PHKB: variants seen among roughly 807,000 people sequenced by gnomAD.
PHKB encodes the protein phosphorylase kinase regulatory subunit beta.
Under a neutral mutation model 152.1 loss-of-function variants are expected in PHKB, and 122 were observed. That is an observed-to-expected ratio of 0.80 (90% CI 0.69 to 0.93). PHKB has a LOEUF of 0.93. Ranked by LOEUF, PHKB falls within the 40% of genes least tolerant of loss-of-function variation. The pLI, the probability that PHKB is intolerant of heterozygous loss-of-function variation, is 0.00. For missense variants in PHKB, 1,304 were observed against 1,328.4 expected (o/e 0.98, Z 0.29); for synonymous variants, 436 against 464.9 (o/e 0.94, Z 0.80).
intron 14 of PHKB, among the ~76,000 whole-genome samples, chr16:47,625,160 C>T (rs1165036967): frequency 6.6e-6 from 1 of 152,190 alleles, no homozygotes; most frequent in Non-Finnish European, 1.5e-5. Context: ...CAACTGCAGG[C>T]TCCAACTAAT....
chr16:47,565,379 G>T, intron 7 of PHKB: 1 of 1,003,904 alleles, frequency 1.0e-6, no homozygotes. Context: ...TTGAGCTGGA[G>T]CTACTTTTCC....
chr16:47,533,402 C>T (rs1012532439), intron 6 of PHKB, among the ~76,000 whole-genome samples: 2 of 152,176 alleles, frequency 1.3e-5, no homozygotes, highest in African/African-American at 4.8e-5. Context: ...AGGAACCTGC[C>T]CCCTTCTGCC....
chr16:47,481,222 T>C (rs1353264962), intron 1 of PHKB, among the ~76,000 whole-genome samples: 1 of 152,212 alleles, frequency 6.6e-6, no homozygotes, highest in African/African-American at 2.4e-5. Context: ...TAGTCATGCT[T>C]CAGAAATGAT....
chr16:47,591,856 A>C (rs1372945433), intron 10 of PHKB, among the ~76,000 whole-genome samples: 1 of 152,036 alleles, frequency 6.6e-6, no homozygotes, highest in African/African-American at 2.4e-5. Context: ...ACCTTTGTCA[A>C]TCACCAAGGC....
At chr16:47,507,970 A>C (rs1970449192) in intron 4 of PHKB, among the ~76,000 whole-genome samples, 1 of 152,124 alleles carries the variant, frequency 6.6e-6, no homozygotes, top group Non-Finnish European at 1.5e-5. Context: ...TTCCCTTGAA[A>C]CTGAAGCAAA....
At chr16:47,536,197 A>C (rs766677480) in intron 6 of PHKB, among the ~76,000 whole-genome samples, 1 of 152,098 alleles carries the variant, frequency 6.6e-6, no homozygotes, top group Non-Finnish European at 1.5e-5. Context: ...GATTACAGTC[A>C]TGTGCCATCA....
intron 25 of PHKB, among the ~76,000 whole-genome samples, chr16:47,667,295 C>T (rs1472544761): frequency 6.6e-6 from 1 of 151,832 alleles, no homozygotes. Context: ...AATAGTTGGG[C>T]CTGGTGGCAC....
intron 28 of PHKB, 136 bp from the exon 29 acceptor site, chr16:47,696,245 A>G: frequency 1.4e-6 from 1 of 700,132 alleles, no homozygotes; most frequent in Admixed American, 2.1e-5. Context: ...TATAAAATCC[A>G]GTTGTGTAGC....
At chr16:47,472,801 G>C (rs938237412) in intron 1 of PHKB, among the ~76,000 whole-genome samples, 2 of 151,308 alleles carry the variant, frequency 1.3e-5, no homozygotes, top group African/African-American at 4.9e-5. Context: ...ACAAAAATTA[G>C]CCAGGTGTTG....
At chr16:47,510,725 G>T (rs931241161) in intron 4 of PHKB, among the ~76,000 whole-genome samples, 2 of 152,032 alleles carry the variant, frequency 1.3e-5, no homozygotes, top group African/African-American at 4.8e-5. Context: ...AGGAGAAGAA[G>T]AATTTTTAAA....
intron 25 of PHKB, 28 bp downstream of exon 25, chr16:47,665,003 A>G (rs750402770): frequency 6.9e-7 from 1 of 1,455,286 alleles, no homozygotes; most frequent in South Asian, 1.1e-5. Context: ...TGAAAACCCA[A>G]GCTGCTTGAA....
intron 1 of PHKB, among the ~76,000 whole-genome samples, chr16:47,464,583 G>T (rs1204384942): frequency 6.6e-6 from 1 of 152,152 alleles, no homozygotes; most frequent in Admixed American, 6.5e-5. Context: ...CTATGGAATT[G>T]CTCTTCAGAC....
intron 26 of PHKB, among the ~76,000 whole-genome samples, chr16:47,673,073 G>T (rs2142083217): frequency 6.6e-6 from 1 of 152,012 alleles, no homozygotes; most frequent in East Asian, 1.9e-4. Context: ...TCTTATGTGG[G>T]TCTCACGAGA....
chr16:47,528,973 C>T (rs1473548323), intron 6 of PHKB, among the ~76,000 whole-genome samples: 3 of 151,966 alleles, frequency 2.0e-5, no homozygotes, highest in South Asian at 2.1e-4. Flanking sequence ...GGATTACAGG[C>T]GTGAGGAACC....
At chr16:47,678,798 G>T (rs1034457251) in intron 26 of PHKB, among the ~76,000 whole-genome samples, 18 of 152,178 alleles carry the variant, frequency 1.2e-4, no homozygotes, top group African/African-American at 2.9e-4. Context: ...GTCAATTTTG[G>T]CTTTTGTTGC....
rs1971194751 is a variant in PHKB, at chr16:47,547,538, C to G, written c.700C>G (p.Leu234Val). 9.5e-6 allele frequency: 15 copies of G among 1,585,182 alleles called. No individual in the cohort carries two copies. The highest frequency in any genetic ancestry group is 1.3e-5 in the Non-Finnish European group (15 of 1,153,972). The change falls in exon 7 of 31, where the codon CTA becomes GTA. Residue 234 changes from leucine to valine, a missense_variant. Physicochemically the swap from Leu to Val is conservative, Grantham distance 32. Transcript: ENST00000323584. Reference sequence around the variant, plus strand: ...CAAATATAATAATGGCAGCACAGAGCTACATTCGAGGTAATTTGCTGATTT... The same window carrying G: ...CAAATATAATAATGGCAGCACAGAGGTACATTCGAGGTAATTTGCTGATTT... ...GSKYNNGSTE[L>V]HSSSVGLAKA...
chr16:47,602,765 T>C (rs1306784081), intron 13 of PHKB, among the ~76,000 whole-genome samples: 2 of 152,162 alleles, frequency 1.3e-5, no homozygotes, highest in African/African-American at 4.8e-5. Flanking sequence ...ATAAAGCATT[T>C]ACTATGGGAC....
intron 7 of PHKB, among the ~76,000 whole-genome samples, chr16:47,568,892 G>A (rs1394420838): frequency 6.6e-6 from 1 of 152,152 alleles, no homozygotes; most frequent in Non-Finnish European, 1.5e-5. Context: ...AAGATACTTG[G>A]TATGATTTTG....
intron 2 of PHKB, 29 bp downstream of exon 2, chr16:47,497,517 T>C (rs1413418397): frequency 3.1e-6 from 4 of 1,288,980 alleles, no homozygotes; most frequent in Non-Finnish European, 4.5e-6. Context: ...AAACGTGTCC[T>C]TAGGTATCTG....
Sources: allele counts gnomAD v4.1 joint callset (sites outside exome capture counted in the v4.1 genomes callset), GRCh38; gene constraint gnomAD v4.1.1; transcripts MANE v1.5; gene names NCBI Gene and HGNC (gene_info 2026-07-23, HGNC 2026-07-21).